Variants in CBLB observed in about 807,000 individuals in gnomAD.
CBLB encodes E3 ubiquitin-protein ligase CBL-B.
In CBLB, 31 loss-of-function variants were observed where a neutral mutation model predicts 104.9. That is an observed-to-expected ratio of 0.30 (90% CI 0.22 to 0.40). CBLB has a LOEUF of 0.40. Among genes scored for constraint, CBLB ranks in the 10% least tolerant of loss-of-function variants. The probability of loss-of-function intolerance (pLI) is 1.00; values close to 1 mark genes in which losing one functional copy is unlikely to be tolerated. For missense variants in CBLB, 1,062 were observed against 1,214.6 expected, an observed-to-expected ratio of 0.87 and a Z score of 1.87; for synonymous variants, 440 against 422.6, an observed-to-expected ratio of 1.04 and a Z score of -0.51.
intron 3 of CBLB, among the ~76,000 whole-genome samples, chr3:105,842,276 C>G (rs539181181): frequency 6.6e-6 from 1 of 152,302 alleles, no homozygotes; most frequent in South Asian, 2.1e-4. Context: ...GGTTCATTTT[C>G]CCCGACCAAA....
At chr3:105,786,062 G>GGT (rs1553794645) in intron 3 of CBLB, among the ~76,000 whole-genome samples, 1 of 10,164 alleles carries the variant, frequency 9.8e-5, no homozygotes, top group African/African-American at 5.7e-4. Context: ...TGAGAGGATC[G>GGT]GGGGGGGGAA....
At chr3:105,735,871 A>C (rs897541942) in intron 8 of CBLB, among the ~76,000 whole-genome samples, 5 of 152,168 alleles carry the variant, frequency 3.3e-5, no homozygotes, top group Admixed American at 3.3e-4. Context: ...GCTCGAACCC[A>C]GAGGGCAGAG....
At chr3:105,702,489 A>G in intron 11 of CBLB, 30 bp from the exon 12 acceptor site, 1 of 1,476,344 alleles carries the variant, frequency 6.8e-7, no homozygotes, top group Non-Finnish European at 9.0e-7. Flanking sequence ...AAAAAAAAAA[A>G]AAAAAAAAAA....
chr3:105,693,804 A>G (rs1382256187), intron 12 of CBLB, among the ~76,000 whole-genome samples: 1 of 152,066 alleles, frequency 6.6e-6, no homozygotes, highest in African/African-American at 2.4e-5. Context: ...ATGTTACACC[A>G]TGATTCTTAA....
chr3:105,760,979 T>G (rs1159915706), intron 4 of CBLB, among the ~76,000 whole-genome samples: 2 of 152,204 alleles, frequency 1.3e-5, no homozygotes, highest in African/African-American at 4.8e-5. Context: ...ATTAGCAGTC[T>G]ATTACCGAAA....
At chr3:105,841,211 G>A (rs1218918100) in intron 3 of CBLB, among the ~76,000 whole-genome samples, 3 of 149,960 alleles carry the variant, frequency 2.0e-5, no homozygotes, top group Admixed American at 6.7e-5. Context: ...CAGAAGAATC[G>A]CTTGAACCTG....
chr3:105,820,201 G>A (rs2085643486), intron 3 of CBLB, among the ~76,000 whole-genome samples: 1 of 152,152 alleles, frequency 6.6e-6, no homozygotes, highest in African/African-American at 2.4e-5. Context: ...ACACTCCTAT[G>A]AGAATCTAAT....
rs780473334 is a variant in CBLB at position 105,745,940 on chromosome 3, C to G, written c.822G>C (p.Gln274His). The change falls in exon 6 of 19, where the codon CAG becomes CAC. Residue 274 changes from glutamine to histidine, a missense_variant. By Grantham distance (24) the Gln-to-His change is conservative. Transcript: ENST00000394030. ...ACCTTCCGGGTTTGGTGCTATATTTCTGTAGTCGTGCTTTAACTTCATCAT... is the reference window on the plus strand; with the variant it reads ...ACCTTCCGGGTTTGGTGCTATATTTGTGTAGTCGTGCTTTAACTTCATCAT... Reference protein sequence around the residue: ...LTYDEVKARLQKYSTKPGSYI... With the variant: ...LTYDEVKARLHKYSTKPGSYI... 1 of 1,612,148 alleles carries G rather than the reference C, an allele frequency of 6.2e-7. No individual in the cohort carries two copies. Among genetic ancestry groups the G allele is most frequent in the East Asian group, 2.2e-5 (1 of 44,838 alleles).
In CBLB at chr3:105,799,541, G is replaced by A. The variant is rs191722099; in HGVS notation, c.420-22999C>T. 1.7e-3 allele frequency among the ~76,000 whole-genome samples: 256 copies of A among 152,168 alleles called. 2 individuals are homozygous for A. The highest frequency in any genetic ancestry group is 4.5e-3 in the African/African-American group (185 of 41,526). On this transcript the variant is annotated intron_variant, in intron 3 of 18. Coordinates refer to ENST00000394030, the MANE Select transcript of CBLB (RefSeq NM_170662.5). The stretch of plus-strand genomic sequence containing the variant: ...AAAAGGCATTTCACCATTTTGATTT[G>A]CAACATAACGTTTGTGCTGTTATCT...
intron 9 of CBLB, chr3:105,724,271 G>C (rs1436901025): frequency 2.5e-5 from 4 of 157,930 alleles, no homozygotes; most frequent in Non-Finnish European, 4.2e-5. Context: ...GAGATCTTTG[G>C]TTCTGGTTTA....
chr3:105,709,839 A>C (rs1300449584), intron 10 of CBLB, among the ~76,000 whole-genome samples: 1 of 151,926 alleles, frequency 6.6e-6, no homozygotes, highest in East Asian at 1.9e-4. Flanking sequence ...TGGTAAAACC[A>C]ATTTATTCTC....
chr3:105,693,071 A>C (rs778980617), intron 13 of CBLB, among the ~76,000 whole-genome samples: 16 of 152,002 alleles, frequency 1.1e-4, no homozygotes, highest in Non-Finnish European at 1.8e-4. Context: ...CAAAAGAATA[A>C]TCAAAAGGAC....
At chr3:105,827,602 T>C (rs1002629031) in intron 3 of CBLB, among the ~76,000 whole-genome samples, 10 of 151,954 alleles carry the variant, frequency 6.6e-5, no homozygotes, top group Admixed American at 3.3e-4. Flanking sequence ...GCCCAGACAT[T>C]AGCCAAAGGC....
chr3:105,694,235 A>G (rs1437573358), intron 12 of CBLB, among the ~76,000 whole-genome samples: 1 of 151,910 alleles, frequency 6.6e-6, no homozygotes, highest in Non-Finnish European at 1.5e-5. Flanking sequence ...GCCAGTGTTC[A>G]ATTACTCTGA....
intron 4 of CBLB, among the ~76,000 whole-genome samples, chr3:105,764,965 G>T (rs934640438): frequency 6.6e-6 from 1 of 152,206 alleles, no homozygotes; most frequent in Non-Finnish European, 1.5e-5. Context: ...AAGGGTAAGA[G>T]AATTCAGGAA....
chr3:105,656,371 A>G lies in CBLB; in HGVS notation c.*2599T>C, dbSNP rs188884781. ...GTGAAACAAAGTCTGGATCACTTCCAGACATCAACGAGCAGTCGCTTTTAC... is the reference window on the plus strand; with the variant it reads ...GTGAAACAAAGTCTGGATCACTTCCGGACATCAACGAGCAGTCGCTTTTAC... On this transcript the variant is annotated 3_prime_UTR_variant, in exon 19 of 19. Coordinates refer to ENST00000394030, the MANE Select transcript of CBLB (RefSeq NM_170662.5). 746 of 203,778 alleles carry G rather than the reference A, an allele frequency of 3.7e-3. 1 individual carries two copies. Among genetic ancestry groups the G allele is most frequent in the Non-Finnish European group, 4.8e-3 (480 of 99,392 alleles). The allele number at this position is 203,778 out of a possible 1,614,324, so 12.6% of individuals were successfully genotyped here.
intron 16 of CBLB, among the ~76,000 whole-genome samples, chr3:105,680,694 G>A (rs562367632): frequency 1.6e-4 from 25 of 152,342 alleles, no homozygotes; most frequent in Non-Finnish European, 2.2e-4. Context: ...GGTTCATTTC[G>A]TATTTCTGGT....
chr3:105,844,129 G>A (rs1049941281), intron 3 of CBLB, among the ~76,000 whole-genome samples: 5 of 152,200 alleles, frequency 3.3e-5, no homozygotes, highest in African/African-American at 1.2e-4. Context: ...GCAGAGAACA[G>A]ACTTACGCTG....
intron 3 of CBLB, among the ~76,000 whole-genome samples, chr3:105,787,455 G>A (rs2081156247): frequency 6.6e-6 from 1 of 152,090 alleles, no homozygotes; most frequent in Admixed American, 6.5e-5. Flanking sequence ...AAACCAGGGG[G>A]TTGTGGTACA....
Sources: gnomAD v4.1 joint callset for allele counts (sites outside exome capture counted in the v4.1 genomes callset) on GRCh38, gnomAD v4.1.1 for gene constraint, MANE v1.5 for transcripts, NCBI Gene and HGNC (gene_info 2026-07-23, HGNC 2026-07-21) for gene names.